Variants in SYCE2 observed in about 807,000 individuals in gnomAD.
SYCE2 encodes central element synaptonemal complex 1.
A neutral mutation model predicts 27.9 loss-of-function variants in SYCE2; 3 were observed. The ratio of observed to expected loss-of-function variants is 0.11; its 90% CI spans 0.05 to 0.28. SYCE2 has a LOEUF of 0.28. Among genes scored for constraint, SYCE2 ranks in the 10% least tolerant of loss-of-function variants. The pLI is 1.00. For missense variants in SYCE2, 207 were observed against 263.5 expected, an observed-to-expected ratio of 0.79 and a Z score of 1.48; for synonymous variants, 85 against 100.7, an observed-to-expected ratio of 0.84 and a Z score of 0.93.
At chr19:12,903,928 G>A (rs188911834) in intron 3 of SYCE2, among the ~76,000 whole-genome samples, 20 of 152,244 alleles carry the variant, frequency 1.3e-4, no homozygotes, top group African/African-American at 4.6e-4. Context: ...GAGGCATCAG[G>A]TGCAACCATT....
Position 12,900,436 on chromosome 19 carries a change from C to T in SYCE2, c.495+24G>A, listed in dbSNP as rs751860955. 9 of 1,604,758 alleles carry T rather than the reference C, an allele frequency of 5.6e-6. No individual in the cohort carries two copies. In the South Asian group the frequency reaches 1.0e-4, roughly 18 times the overall value. ...TCCCTGTCCTCTTCCTCAGGCAGCG[C>T]CCCCCCTGTGAGTTTACTCATACCT... On this transcript the variant is annotated intron_variant, in intron 4 of 5. Coordinates refer to ENST00000293695, the MANE Select transcript of SYCE2 (RefSeq NM_001105578.2).
chr19:12,899,186 T>G lies in SYCE2; in HGVS notation c.*155A>C. The G allele has an allele frequency of 1.5e-6, 1 of 685,208 alleles. No homozygotes were observed. Among genetic ancestry groups the G allele is most frequent in the Non-Finnish European group, 2.5e-6 (1 of 399,884 alleles). 42.4% of individuals were successfully genotyped at this position (685,208 alleles called of 1,614,324 possible). A position where few individuals can be genotyped will look rare whatever the true frequency, so the allele number is the denominator to read the frequency against. On this transcript the variant is annotated 3_prime_UTR_variant, in exon 6 of 6. Transcript: ENST00000293695. Reference sequence around the variant, plus strand: ...ATGGCAGGGGCTGGACTTGCTACATTTTGGGAGTTCAGCACAAGGAGCTTT... The same window carrying G: ...ATGGCAGGGGCTGGACTTGCTACATGTTGGGAGTTCAGCACAAGGAGCTTT...
intron 5 of SYCE2, chr19:12,899,607 G>A (rs1304737377): frequency 7.4e-6 from 12 of 1,613,518 alleles, no homozygotes; most frequent in Non-Finnish European, 1.0e-5. Context: ...TGGACCGTAG[G>A]AGCGCTGTGC....
chr19:12,910,709 G>A (rs1009409361), intron 2 of SYCE2, among the ~76,000 whole-genome samples: 5 of 149,998 alleles, frequency 3.3e-5, no homozygotes, highest in Non-Finnish European at 7.4e-5. Flanking sequence ...ATGGAGTCTC[G>A]CTCTGTCCCC....
intron 2 of SYCE2, among the ~76,000 whole-genome samples, chr19:12,911,489 G>C (rs1473352331): frequency 6.6e-6 from 1 of 151,916 alleles, no homozygotes; most frequent in Non-Finnish European, 1.5e-5. Context: ...GCCCAGGCTG[G>C]AGTGCAGTGG....
intron 2 of SYCE2, among the ~76,000 whole-genome samples, chr19:12,915,761 C>A (rs562244681): frequency 6.6e-6 from 1 of 152,278 alleles, no homozygotes; most frequent in South Asian, 2.1e-4. Flanking sequence ...ACCCCACTCG[C>A]TCGCCTAGCC....
chr19:12,911,615 C>CTTTT lies in SYCE2; in HGVS notation c.131+6603_131+6606dup, dbSNP rs71168633. On this transcript the variant is annotated intron_variant, in intron 2 of 5. Transcript: ENST00000293695. ...CCAACCATGCCTGGATAATTTTTGC[C>CTTTT]TTTTTTTTTTTTTTTTTTTTTAGAC... is the stretch of plus-strand genomic sequence containing the variant. Among the ~76,000 whole-genome samples, 513 of 103,738 alleles carry CTTTT rather than the reference C, an allele frequency of 4.9e-3. 12 individuals are homozygous for CTTTT. Among genetic ancestry groups the CTTTT allele is most frequent in the East Asian group, 0.013 (43 of 3,230 alleles). 68.1% of individuals were successfully genotyped at this position (103,738 alleles called of 152,430 possible).
intron 2 of SYCE2, among the ~76,000 whole-genome samples, chr19:12,909,800 A>AG (rs1695968538): frequency 6.6e-6 from 1 of 151,882 alleles, no homozygotes; most frequent in Non-Finnish European, 1.5e-5. Flanking sequence ...TCCCGACCTC[A>AG]GGTGATCCGC....
intron 3 of SYCE2, 101 bp downstream of exon 3, chr19:12,904,390 AT>A: frequency 2.9e-6 from 4 of 1,393,410 alleles, no homozygotes; most frequent in Non-Finnish European, 4.0e-6. Context: ...CTGTGTGTGA[AT>A]GGCCTAGCAC....
chr19:12,899,514 A>T lies in SYCE2; in HGVS notation c.613-129T>A, dbSNP rs1050007480. The T allele has an allele frequency of 4.3e-6, 7 of 1,614,062 alleles. No homozygotes were observed. The African/African-American group carries it at 5.3e-5, about 12-fold the overall frequency. On this transcript the variant is annotated intron_variant, in intron 5 of 5. Transcript: ENST00000293695. ...TGATCCTTGGGAGAGCTATCACGGG[A>T]ATCCAGGCGTTCACGGCCAGCAAGT...
At chr19:12,911,164 T>TA (rs1164111254) in intron 2 of SYCE2, among the ~76,000 whole-genome samples, 1 of 151,968 alleles carries the variant, frequency 6.6e-6, no homozygotes, top group Non-Finnish European at 1.5e-5. Flanking sequence ...TCTGTATAGA[T>TA]GGAGGTCTTG....
At chr19:12,905,814 T>A (rs1157515918) in intron 2 of SYCE2, among the ~76,000 whole-genome samples, 3 of 152,130 alleles carry the variant, frequency 2.0e-5, no homozygotes, top group African/African-American at 7.2e-5. Flanking sequence ...ATTTTTAAAA[T>A]TTTTAAATAG....
At chr19:12,914,163 T>G (rs1353770208) in intron 2 of SYCE2, 2 of 152,190 alleles carry the variant, frequency 1.3e-5, no homozygotes, top group Non-Finnish European at 2.9e-5. Context: ...AACACAGAAC[T>G]CATGTTCTTG....
chr19:12,907,647 C>G (rs2145971662), intron 2 of SYCE2, among the ~76,000 whole-genome samples: 1 of 152,174 alleles, frequency 6.6e-6, no homozygotes, highest in Non-Finnish European at 1.5e-5. Context: ...AAAAATTACC[C>G]AGGCATGGTG....
chr19:12,910,970 C>A (rs774643052), intron 2 of SYCE2, among the ~76,000 whole-genome samples: 21 of 152,150 alleles, frequency 1.4e-4, no homozygotes, highest in Admixed American at 9.8e-4. Context: ...AGCCACCGCA[C>A]CCGGCCTGAC....
At chr19:12,905,766 T>G (rs569375861) in intron 2 of SYCE2, among the ~76,000 whole-genome samples, 1 of 152,168 alleles carries the variant, frequency 6.6e-6, no homozygotes, top group Non-Finnish European at 1.5e-5. Context: ...GCCTCCTGAA[T>G]AGGTGGGACT....
At chr19:12,912,313 T>C (rs746430401) in intron 2 of SYCE2, among the ~76,000 whole-genome samples, 2 of 151,734 alleles carry the variant, frequency 1.3e-5, no homozygotes, top group African/African-American at 2.4e-5. Context: ...ATGTCAGCCT[T>C]TGCCTGGAAT....
intron 2 of SYCE2, among the ~76,000 whole-genome samples, chr19:12,911,426 G>T (rs1599638619): frequency 6.6e-6 from 1 of 151,788 alleles, no homozygotes; most frequent in Admixed American, 6.6e-5. Flanking sequence ...GCCTTAATGG[G>T]TTTTTTTCTT....
chr19:12,902,803 G>A (rs555953338), intron 3 of SYCE2, among the ~76,000 whole-genome samples: 1 of 151,844 alleles, frequency 6.6e-6, no homozygotes, highest in Admixed American at 6.6e-5. Flanking sequence ...CAACAGCAAG[G>A]CTTGTCTCAA....
Sources: gnomAD v4.1 joint callset for allele counts (sites outside exome capture counted in the v4.1 genomes callset) on GRCh38, gnomAD v4.1.1 for gene constraint, MANE v1.5 for transcripts, NCBI Gene and HGNC (gene_info 2026-07-23, HGNC 2026-07-21) for gene names.